The following NFYC variants were observed in gnomAD, a reference collection of about 807,000 sequenced individuals.
NFYC encodes nuclear transcription factor Y subunit gamma.
In NFYC, 25 loss-of-function variants were observed where a neutral mutation model predicts 53.1. The ratio of observed to expected loss-of-function variants is 0.47; its 90% confidence interval spans 0.34 to 0.66. The LOEUF is 0.66. Among genes scored for constraint, NFYC ranks in the 30% least tolerant of loss-of-function variants. The pLI is 0.01. For synonymous variants in NFYC, 145 were observed against 152.6 expected (o/e 0.95, Z 0.37); for missense variants, 260 against 422.7 (o/e 0.62, Z 3.38).
intron 5 of NFYC, among the ~76,000 whole-genome samples, chr1:40,757,684 G>A (rs1278315911): frequency 6.6e-6 from 1 of 152,216 alleles, no homozygotes; most frequent in South Asian, 2.1e-4. Flanking sequence ...GGGCTAAAAC[G>A]AGAAGAGTGC....
intron 8 of NFYC, among the ~76,000 whole-genome samples, chr1:40,768,044 GAGAAGCA>G (rs1198921334): frequency 1.3e-5 from 2 of 152,220 alleles, no homozygotes; most frequent in Non-Finnish European, 2.9e-5. Flanking sequence ...AGAGGCTGGG[GAGAAGCA>G]AGAAAGTGGT....
chr1:40,734,961 G>A (rs978760112), intron 1 of NFYC: 43 of 152,088 alleles, frequency 2.8e-4, no homozygotes, highest in Admixed American at 1.2e-3. Flanking sequence ...AAATCATAAA[G>A]GCCATAACTC....
chr1:40,737,802 G>A lies in NFYC; in HGVS notation c.-8-1034G>A, dbSNP rs531454906. Among the ~76,000 whole-genome samples, 8 of 152,184 alleles carry A rather than the reference G, an allele frequency of 5.3e-5. No individual in the cohort carries two copies. The East Asian group carries it at 1.5e-3, about 29-fold the overall frequency. ...TAATGGCCTCATGTCCTTTGAGACA[G>A]ATTTGTCTGAGATTAGAAGGAATAA... On this transcript the variant is annotated intron_variant, in intron 1 of 9. Coordinates refer to ENST00000447388, the MANE Select transcript of NFYC (RefSeq NM_014223.5).
Position 40,715,086 on chromosome 1 carries a change from C to CAATAAATAAATAAATAAATA in NFYC, c.-9+23229_-9+23248dup, listed in dbSNP as rs59310200. On this transcript the variant is annotated intron_variant, in intron 1 of 9. Coordinates refer to ENST00000447388, the MANE Select transcript of NFYC (RefSeq NM_014223.5). ...CAAATCGAGACTCCATGTCTCAAAA[C>CAATAAATAAATAAATAAATA]AATAAATAAATAAATAAATAAATAA... Among the ~76,000 whole-genome samples, 869 of 142,622 alleles carry CAATAAATAAATAAATAAATA rather than the reference C, an allele frequency of 6.1e-3. 4 individuals carry two copies. Among genetic ancestry groups the CAATAAATAAATAAATAAATA allele is most frequent in the African/African-American group, 8.0e-3 (301 of 37,504 alleles). 93.6% of individuals were successfully genotyped at this position (142,622 alleles called of 152,430 possible). A position where few individuals can be genotyped will look rare whatever the true frequency, so the allele number is the denominator to read the frequency against.
At chr1:40,698,884 G>A (rs1286489326) in intron 1 of NFYC, among the ~76,000 whole-genome samples, 1 of 152,136 alleles carries the variant, frequency 6.6e-6, no homozygotes, top group Non-Finnish European at 1.5e-5. Context: ...AATGAGATGG[G>A]CCGGGCGCCG....
At chr1:40,713,489 G>A (rs1030935908) in intron 1 of NFYC, among the ~76,000 whole-genome samples, 15 of 152,216 alleles carry the variant, frequency 9.9e-5, no homozygotes, top group Admixed American at 5.9e-4. Flanking sequence ...AGGAGCTTCA[G>A]TAACCCAAAA....
intron 2 of NFYC, among the ~76,000 whole-genome samples, chr1:40,743,020 T>A (rs1645432209): frequency 6.6e-6 from 1 of 152,042 alleles, no homozygotes; most frequent in Non-Finnish European, 1.5e-5. Context: ...AAGAAAAAAA[T>A]TCCTTATGTT....
chr1:40,700,323 C>G (rs1317236820), intron 1 of NFYC, among the ~76,000 whole-genome samples: 1 of 152,048 alleles, frequency 6.6e-6, no homozygotes, highest in Non-Finnish European at 1.5e-5. Flanking sequence ...ATTTTTGAAT[C>G]TTCTTTATTT....
rs113111990 is a variant in NFYC, at chr1:40,703,323, C to G, written c.-9+11456C>G. On this transcript the variant is annotated intron_variant, in intron 1 of 9. Coordinates refer to ENST00000447388, the MANE Select transcript of NFYC (RefSeq NM_014223.5). ...TGGGCAATATGGGGAGACCCTGTCTCTACAAAAAAAAATTAAAAATTAGCT... is the reference window on the plus strand; with the variant it reads ...TGGGCAATATGGGGAGACCCTGTCTGTACAAAAAAAAATTAAAAATTAGCT... Among the ~76,000 whole-genome samples the G allele has an allele frequency of 2.8e-3, 408 of 146,934 alleles. 4 individuals carry two copies. Among genetic ancestry groups the G allele is most frequent in the African/African-American group, 9.7e-3 (380 of 39,364 alleles).
intron 1 of NFYC, among the ~76,000 whole-genome samples, chr1:40,710,235 T>TA (rs1643888572): frequency 6.6e-6 from 1 of 152,108 alleles, no homozygotes. Context: ...TATCTTCACT[T>TA]ATATTGACAG....
chr1:40,762,992 C>T lies in NFYC; in HGVS notation c.666C>T (p.Thr222=), dbSNP rs376154060. The T allele has an allele frequency of 6.2e-7, 1 of 1,611,322 alleles. No individual in the cohort carries two copies. The highest frequency in any genetic ancestry group is 8.5e-7 in the Non-Finnish European group (1 of 1,178,466). The part of the protein sequence containing the change: ...AQQAQSGTGQ[T]MQVMQQIITN... ...AGGCCCAGAGTGGCACTGGACAGACCATGCAGGTGATGCAGCAGATCATCA... is the reference window on the plus strand; with the variant it reads ...AGGCCCAGAGTGGCACTGGACAGACTATGCAGGTGATGCAGCAGATCATCA... Residue 222 remains threonine, a synonymous_variant, in exon 7 of 10, where the codon ACC becomes ACT. Coordinates refer to ENST00000447388, the MANE Select transcript of NFYC (RefSeq NM_014223.5).
At chr1:40,745,829 G>C (rs2148654240) in intron 2 of NFYC, among the ~76,000 whole-genome samples, 1 of 152,218 alleles carries the variant, frequency 6.6e-6, no homozygotes, top group African/African-American at 2.4e-5. Context: ...GACTATCTCT[G>C]ACAAACCACA....
intron 1 of NFYC, among the ~76,000 whole-genome samples, chr1:40,719,158 G>A (rs184856834): frequency 3.0e-4 from 46 of 152,248 alleles, no homozygotes; most frequent in African/African-American, 9.9e-4. Context: ...CGTGAGCCAC[G>A]GCGCCTGGCC....
At chr1:40,728,740 C>T (rs1383046780) in intron 1 of NFYC, among the ~76,000 whole-genome samples, 3 of 151,962 alleles carry the variant, frequency 2.0e-5, no homozygotes, top group East Asian at 2.0e-4. Context: ...TGGGTTTAAG[C>T]GATTCTCCTG....
Position 40,770,835 on chromosome 1 carries a change from G to A in NFYC, c.*7G>A. On this transcript the variant is annotated 3_prime_UTR_variant, in exon 10 of 10. Transcript: ENST00000447388. The surrounding 1 kb of genome is among the most constrained non-coding windows in gnomAD (Gnocchi z 5.3). The stretch of plus-strand genomic sequence containing the variant: ...CCAGGTGACCGGCGACTGAGGGCCT[G>A]AGCTGGCAAGGCCAAGGACACCCAA... The A allele has an allele frequency of 5.6e-6, 9 of 1,606,566 alleles. No homozygotes were observed. Among genetic ancestry groups the A allele is most frequent in the Non-Finnish European group, 7.6e-6 (9 of 1,179,876 alleles).
chr1:40,746,448 C>T (rs1202499960), intron 2 of NFYC, among the ~76,000 whole-genome samples: 1 of 152,064 alleles, frequency 6.6e-6, no homozygotes, highest in Non-Finnish European at 1.5e-5. Context: ...GTTGGTCTTG[C>T]AAAAGAAAGT....
At chr1:40,699,546 C>T (rs754160947) in intron 1 of NFYC, among the ~76,000 whole-genome samples, 19 of 152,154 alleles carry the variant, frequency 1.2e-4, no homozygotes, top group Admixed American at 9.2e-4. Context: ...TATGAAATGA[C>T]GAAGTTGGGG....
At chr1:40,738,201 CCT>C (rs1224323432) in intron 1 of NFYC, among the ~76,000 whole-genome samples, 1 of 152,112 alleles carries the variant, frequency 6.6e-6, no homozygotes, top group Non-Finnish European at 1.5e-5. Context: ...CGCGCCCGGC[CCT>C]CTCTCTTTTT....
At chr1:40,754,528 C>T (rs1195481527) in intron 5 of NFYC, 1 of 445,618 alleles carries the variant, frequency 2.2e-6, no homozygotes, top group Non-Finnish European at 4.7e-6. Flanking sequence ...GGGGGTCCTT[C>T]CCTCCTCTCT....
Sources: allele counts gnomAD v4.1 joint callset (sites outside exome capture counted in the v4.1 genomes callset), GRCh38; gene constraint gnomAD v4.1.1; non-coding constraint Gnocchi (gnomAD v3.1); transcripts MANE v1.5; gene names NCBI Gene and HGNC (gene_info 2026-07-23, HGNC 2026-07-21).